The following CNTNAP2 variants were observed in gnomAD, a reference collection of about 807,000 sequenced individuals.
CNTNAP2 encodes contactin associated protein 2.
In CNTNAP2, 98 loss-of-function variants were observed where a neutral mutation model predicts 155.2. That is an observed-to-expected ratio of 0.63 (90% CI 0.54 to 0.75). CNTNAP2 has a LOEUF of 0.75. Ranked by LOEUF, CNTNAP2 falls within the 30% of genes least tolerant of loss-of-function variation. The probability of loss-of-function intolerance (pLI) is 0.00; values close to 1 mark genes in which losing one functional copy is unlikely to be tolerated. For missense variants in CNTNAP2, 1,727 were observed against 1,688.1 expected (o/e 1.02, Z -0.40); for synonymous variants, 651 against 631.2 (o/e 1.03, Z -0.47).
chr7:147,179,964 G>A (rs1352155853), intron 8 of CNTNAP2, among the ~76,000 whole-genome samples: 1 of 152,178 alleles, frequency 6.6e-6, no homozygotes. Flanking sequence ...ACAGGTGTCA[G>A]GGATAGAGGA....
rs1353359778 is a variant in CNTNAP2, at chr7:147,338,951, A to C, written c.1498+38661A>C. ...TACTTTTTCATGTACCATTTACTTA[A>C]TTAAAAATTAATAAAATCATCTTAA... On this transcript the variant is annotated intron_variant, in intron 9 of 23. Transcript: ENST00000361727. Among the ~76,000 whole-genome samples the C allele has an allele frequency of 3.3e-5, 5 of 152,110 alleles. No individual in the cohort carries two copies. The East Asian group carries it at 7.7e-4, about 23-fold the overall frequency.
intron 21 of CNTNAP2, among the ~76,000 whole-genome samples, chr7:148,314,735 A>G (rs1797656964): frequency 6.6e-6 from 1 of 152,198 alleles, no homozygotes; most frequent in African/African-American, 2.4e-5. Flanking sequence ...CTTGCCCTCC[A>G]GAAAAGCGGT....
chr7:147,947,073 C>T (rs1396035995), intron 14 of CNTNAP2, among the ~76,000 whole-genome samples: 2 of 152,064 alleles, frequency 1.3e-5, no homozygotes, highest in African/African-American at 4.8e-5. Context: ...AGCTCTAGGA[C>T]AGGTGGAGGG....
chr7:146,792,706 A>G (rs1399775076), intron 2 of CNTNAP2, among the ~76,000 whole-genome samples: 7 of 152,242 alleles, frequency 4.6e-5, no homozygotes, highest in African/African-American at 1.7e-4. Flanking sequence ...TGACATCATT[A>G]TGACACAAGG....
At chr7:146,132,902 A>G (rs1226964106) in intron 1 of CNTNAP2, among the ~76,000 whole-genome samples, 1 of 149,038 alleles carries the variant, frequency 6.7e-6, no homozygotes, top group Non-Finnish European at 1.5e-5. Context: ...TAGCAGCATG[A>G]TTTATAGTCC....
intron 9 of CNTNAP2, among the ~76,000 whole-genome samples, chr7:147,340,109 A>T (rs544177766): frequency 6.6e-6 from 1 of 151,764 alleles, no homozygotes; most frequent in African/African-American, 2.4e-5. Context: ...CATTTACATA[A>T]GAGATAAAGA....
intron 1 of CNTNAP2, among the ~76,000 whole-genome samples, chr7:146,502,250 T>TGA (rs1417379656): frequency 3.6e-5 from 5 of 139,208 alleles, no homozygotes; most frequent in African/African-American, 1.0e-4. Flanking sequence ...TATATATATA[T>TGA]ATATATATAT....
At chr7:146,117,569 G>A (rs191349446) in intron 1 of CNTNAP2, among the ~76,000 whole-genome samples, 1 of 152,288 alleles carries the variant, frequency 6.6e-6, no homozygotes, top group East Asian at 1.9e-4. Flanking sequence ...GGATATGACT[G>A]ATGCAGTACG....
At chr7:146,230,840 C>T (rs1799371260) in intron 1 of CNTNAP2, among the ~76,000 whole-genome samples, 1 of 152,032 alleles carries the variant, frequency 6.6e-6, no homozygotes, top group Non-Finnish European at 1.5e-5. Context: ...CATGGTGAAA[C>T]CCTGTCTCTA....
chr7:146,808,683 T>C (rs2191988), intron 2 of CNTNAP2, among the ~76,000 whole-genome samples: 1 of 152,136 alleles, frequency 6.6e-6, no homozygotes, highest in Non-Finnish European at 1.5e-5. Flanking sequence ...ATTGGAAGTA[T>C]ACATGATTTG....
chr7:147,959,428 G>A (rs916750899), intron 14 of CNTNAP2, among the ~76,000 whole-genome samples: 1 of 152,118 alleles, frequency 6.6e-6, no homozygotes, highest in Non-Finnish European at 1.5e-5. Context: ...GCCCATGAGG[G>A]TTCTTGGCTT....
chr7:146,992,979 C>T (rs1270628783), intron 3 of CNTNAP2, among the ~76,000 whole-genome samples: 1 of 152,102 alleles, frequency 6.6e-6, no homozygotes, highest in African/African-American at 2.4e-5. Context: ...AGATGCCATG[C>T]GGTTACCAGC....
intron 15 of CNTNAP2, among the ~76,000 whole-genome samples, chr7:148,058,406 T>C (rs1012230929): frequency 6.6e-6 from 1 of 152,052 alleles, no homozygotes; most frequent in African/African-American, 2.4e-5. Context: ...TCCAGGGCCC[T>C]TCTCGTTTTG....
At chr7:148,309,885 C>T (rs1196868715) in intron 21 of CNTNAP2, among the ~76,000 whole-genome samples, 2 of 151,874 alleles carry the variant, frequency 1.3e-5, no homozygotes, top group African/African-American at 4.8e-5. Context: ...AGTGTTGGGA[C>T]GGCAAAAATT....
At chr7:146,971,469 C>T (rs138146477) in intron 3 of CNTNAP2, among the ~76,000 whole-genome samples, 285 of 152,258 alleles carry the variant, frequency 1.9e-3, no homozygotes, top group African/African-American at 6.3e-3. Context: ...GAAGGGTTAT[C>T]TAAGTCTATT....
intron 8 of CNTNAP2, among the ~76,000 whole-genome samples, chr7:147,150,776 C>G (rs1208920842): frequency 1.3e-5 from 2 of 152,044 alleles, no homozygotes; most frequent in Non-Finnish European, 2.9e-5. Flanking sequence ...GTACAAAAAA[C>G]AGAACAAGAC....
At chr7:148,313,091 G>A (rs1037435899) in intron 21 of CNTNAP2, among the ~76,000 whole-genome samples, 1 of 151,586 alleles carries the variant, frequency 6.6e-6, no homozygotes, top group Non-Finnish European at 1.5e-5. Context: ...TGTCTAAGTT[G>A]GCACCAGAGT....
In CNTNAP2 at chr7:148,409,614, G is replaced by A. The variant is rs1266063150; in HGVS notation, c.3796+143G>A. The A allele has an allele frequency of 5.3e-6, 4 of 759,884 alleles. No individual in the cohort carries two copies. The South Asian group carries it at 6.0e-5, about 11-fold the overall frequency. 47.1% of individuals were successfully genotyped at this position (759,884 alleles called of 1,614,324 possible). A position where few individuals can be genotyped will look rare whatever the true frequency, so the allele number is the denominator to read the frequency against. On this transcript the variant is annotated intron_variant, in intron 23 of 23. Coordinates refer to ENST00000361727, the MANE Select transcript of CNTNAP2 (RefSeq NM_014141.6). The stretch of plus-strand genomic sequence containing the variant: ...CTGTTTAAAGATTATGACATATGAT[G>A]TGAAGAAATATAGTAAATATAGCCG...
At chr7:148,095,752 C>T (rs1193364469) in intron 15 of CNTNAP2, among the ~76,000 whole-genome samples, 1 of 152,160 alleles carries the variant, frequency 6.6e-6, no homozygotes, top group Non-Finnish European at 1.5e-5. Context: ...CATTTTTAGT[C>T]CTGGTCCCTA....
Sources: gnomAD v4.1 joint callset for allele counts (sites outside exome capture counted in the v4.1 genomes callset) on GRCh38, gnomAD v4.1.1 for gene constraint, MANE v1.5 for transcripts, NCBI Gene and HGNC (gene_info 2026-07-23, HGNC 2026-07-21) for gene names.